The following CRISP1 variants were observed in gnomAD, a reference collection of about 807,000 sequenced individuals.
CRISP1 encodes the protein cysteine rich secretory protein 1.
Under a neutral mutation model 33.1 loss-of-function variants are expected in CRISP1, and 44 were observed. The observed-to-expected ratio is 1.33, with a 90% CI of 1.05 to 1.71. CRISP1 has a LOEUF of 1.71. CRISP1 is among the 40% of genes most tolerant of loss of function. The pLI is 0.00. For missense variants in CRISP1, 390 were observed against 301.2 expected (o/e 1.29, Z -2.18); for synonymous variants, 103 against 98.7 (o/e 1.04, Z -0.26).
intron 4 of CRISP1, among the ~76,000 whole-genome samples, chr6:49,847,974 A>G (rs1406158626): frequency 6.6e-6 from 1 of 152,150 alleles, no homozygotes; most frequent in Non-Finnish European, 1.5e-5. Context: ...CCTGATGGTC[A>G]GAACTTGGAA....
intron 7 of CRISP1, 126 bp from the exon 8 acceptor site, chr6:49,835,569 G>C: frequency 1.1e-6 from 1 of 885,376 alleles, no homozygotes. Context: ...AATTTAATTA[G>C]CATAAGCTAA....
At chr6:49,855,420 A>G (rs1421155523) in intron 2 of CRISP1, among the ~76,000 whole-genome samples, 5 of 151,946 alleles carry the variant, frequency 3.3e-5, no homozygotes, top group Non-Finnish European at 7.4e-5. Context: ...GCCTCTATTT[A>G]GGATATGTGT....
intron 5 of CRISP1, among the ~76,000 whole-genome samples, chr6:49,841,853 A>T (rs762590486): frequency 6.6e-6 from 1 of 152,132 alleles, no homozygotes. Flanking sequence ...GTAAAATGGG[A>T]TACAACAACG....
At chr6:49,874,883 T>C (rs1772003026) in intron 1 of CRISP1, among the ~76,000 whole-genome samples, 1 of 151,918 alleles carries the variant, frequency 6.6e-6, no homozygotes, top group South Asian at 2.1e-4. Context: ...AAACTCTCAA[T>C]AAACTAGGTA....
chr6:49,872,449 G>T (rs1462462089), intron 1 of CRISP1, among the ~76,000 whole-genome samples: 2 of 151,948 alleles, frequency 1.3e-5, no homozygotes, highest in Admixed American at 6.6e-5. Context: ...CATTGCTTTT[G>T]GTGTTTTAGA....
intron 4 of CRISP1, 45 bp downstream of exon 4, chr6:49,848,160 ATTTT>A (rs373553362): frequency 4.7e-5 from 43 of 915,930 alleles, no homozygotes; most frequent in South Asian, 1.2e-4. Flanking sequence ...CTGTTTTACT[ATTTT>A]TTTTTTTTTT....
intron 7 of CRISP1, 79 bp downstream of exon 7, chr6:49,838,358 T>C: frequency 9.4e-7 from 1 of 1,062,374 alleles, no homozygotes; most frequent in South Asian, 1.4e-5. Flanking sequence ...TGCGATGTTT[T>C]TTAATGCTTA....
rs539903761 is a variant in CRISP1, at chr6:49,849,991, A to G, written c.196-1692T>C. Among the ~76,000 whole-genome samples the G allele has an allele frequency of 5.3e-5, 8 of 151,556 alleles. No individual in the cohort carries two copies. The East Asian group carries it at 1.6e-3, about 30-fold the overall frequency. ...CTGGGGGAATACCATGGCATTCACTACTAAGAACAAAAAACCAAACACCGC... is the reference window on the plus strand; with the variant it reads ...CTGGGGGAATACCATGGCATTCACTGCTAAGAACAAAAAACCAAACACCGC... On this transcript the variant is annotated intron_variant, in intron 3 of 7. Transcript: ENST00000335847.
intron 3 of CRISP1, among the ~76,000 whole-genome samples, chr6:49,851,540 A>G (rs1309137829): frequency 6.6e-6 from 1 of 152,212 alleles, no homozygotes; most frequent in East Asian, 1.9e-4. Context: ...TTCTAGGAAG[A>G]GTGTCTTAGC....
At chr6:49,853,392 C>A (rs1771408017) in intron 2 of CRISP1, among the ~76,000 whole-genome samples, 1 of 152,116 alleles carries the variant, frequency 6.6e-6, no homozygotes, top group Admixed American at 6.6e-5. Flanking sequence ...GAAACGAATT[C>A]ATCTTTTCCA....
upstream of CRISP1, among the ~76,000 whole-genome samples, chr6:49,869,994 A>G (rs773204972): frequency 1.5e-4 from 23 of 152,184 alleles, no homozygotes; most frequent in Admixed American, 9.2e-4. Flanking sequence ...CCCTTCTCAG[A>G]CTTTAAATCT....
At chr6:49,864,125 T>C (rs866671307) in intron 1 of CRISP1, among the ~76,000 whole-genome samples, 1 of 152,110 alleles carries the variant, frequency 6.6e-6, no homozygotes, top group Non-Finnish European at 1.5e-5. Flanking sequence ...TTTTTAAACT[T>C]TGAATAAGTG....
intron 7 of CRISP1, 73 bp from the exon 8 acceptor site, chr6:49,835,516 AT>A: frequency 4.1e-6 from 6 of 1,462,514 alleles, no homozygotes; most frequent in Non-Finnish European, 5.5e-6. Flanking sequence ...AGACCATCTT[AT>A]TAAAGACAAA....
intron 6 of CRISP1, among the ~76,000 whole-genome samples, chr6:49,840,007 C>T (rs1198929462): frequency 6.6e-6 from 1 of 152,084 alleles, no homozygotes; most frequent in Non-Finnish European, 1.5e-5. Flanking sequence ...GGTTAAGCAC[C>T]ATGCATTGAG....
intron 1 of CRISP1, among the ~76,000 whole-genome samples, chr6:49,874,179 A>G (rs987360693): frequency 6.6e-6 from 1 of 152,082 alleles, no homozygotes; most frequent in African/African-American, 2.4e-5. Flanking sequence ...AACCTAATGT[A>G]GTTATTACTA....
intron 5 of CRISP1, among the ~76,000 whole-genome samples, chr6:49,843,400 T>G (rs951375125): frequency 6.6e-6 from 1 of 152,208 alleles, no homozygotes; most frequent in African/African-American, 2.4e-5. Flanking sequence ...GCTTTTAACA[T>G]CAAATTTAAG....
At chr6:49,863,228 C>A (rs62404937) in intron 1 of CRISP1, among the ~76,000 whole-genome samples, 14,737 of 152,110 alleles carry the variant, frequency 0.097, 995 homozygotes, top group Non-Finnish European at 0.15. Context: ...GGTAAAAGAC[C>A]CTGTAGATCC....
At chr6:49,863,011 T>G (rs1771695929) in intron 1 of CRISP1, among the ~76,000 whole-genome samples, 1 of 152,176 alleles carries the variant, frequency 6.6e-6, no homozygotes, top group Non-Finnish European at 1.5e-5. Flanking sequence ...ATTATAATAG[T>G]ACAGATTTTG....
chr6:49,864,704 T>A (rs1473173885), intron 1 of CRISP1, among the ~76,000 whole-genome samples: 3 of 152,158 alleles, frequency 2.0e-5, no homozygotes, highest in Non-Finnish European at 4.4e-5. Flanking sequence ...TTTGATCCCA[T>A]CTTTTCTGTA....
Sources: allele counts gnomAD v4.1 joint callset (sites outside exome capture counted in the v4.1 genomes callset), GRCh38; gene constraint gnomAD v4.1.1; transcripts MANE v1.5; gene names NCBI Gene and HGNC (gene_info 2026-07-23, HGNC 2026-07-21).